Variants in RIF1 observed in about 807,000 individuals in gnomAD.
The protein encoded by RIF1 is telomere-associated protein RIF1.
A neutral mutation model predicts 247.1 loss-of-function variants in RIF1; 45 were observed. That is an observed-to-expected ratio of 0.18 (90% CI 0.14 to 0.23). The LOEUF is 0.23. RIF1 is among the 10% of genes least tolerant of loss of function. The probability of loss-of-function intolerance (pLI) is 1.00; values close to 1 mark genes in which losing one functional copy is unlikely to be tolerated. For synonymous variants in RIF1, 1,087 were observed against 978.8 expected (o/e 1.11, Z -2.06); for missense variants, 2,967 against 2,862.5 (o/e 1.04, Z -0.83).
rs1255770293 is a variant in RIF1, at chr2:151,463,557, C to T, written c.4037C>T (p.Ser1346Phe). 5.6e-6 allele frequency: 9 copies of T among 1,613,912 alleles called. No homozygotes were observed. Among genetic ancestry groups the T allele is most frequent in the Non-Finnish European group, 7.6e-6 (9 of 1,179,982 alleles). Reference protein sequence around the residue: ...ECVSDNQVHLSESTMEHDNTK... With the variant: ...ECVSDNQVHLFESTMEHDNTK... ...GTGTCAGATAATCAGGTTCATCTTT[C>T]TGAATCTACAATGGAGCATGACAAT... The change falls in exon 30 of 36, where the codon TCT becomes TTT. Residue 1346 changes from serine (S) to phenylalanine (F), a missense_variant. Coordinates refer to ENST00000444746, the MANE Select transcript of RIF1 (RefSeq NM_018151.5).
the RIF1 span, chr2:151,525,299 T>C: frequency 6.7e-7 from 1 of 1,499,816 alleles, no homozygotes; most frequent in African/African-American, 1.4e-5. Context: ...ATTACTTTTA[T>C]GAGTAGAGGA....
chr2:151,459,830 G>A (rs75645585), intron 25 of RIF1, among the ~76,000 whole-genome samples, 170 bp from the exon 26 acceptor site: 4,974 of 152,278 alleles, frequency 0.033, 171 homozygotes, highest in East Asian at 0.19. Context: ...GCCATTTGCT[G>A]TTGAATTAGA....
intron 11 of RIF1, among the ~76,000 whole-genome samples, chr2:151,501,096 G>A (rs935729009): frequency 1.3e-5 from 2 of 152,072 alleles, no homozygotes; most frequent in Non-Finnish European, 1.5e-5. Context: ...AAGTAAATAA[G>A]AGCTTTAGTG....
intron 9 of RIF1, chr2:151,490,168 C>A: frequency 8.2e-7 from 1 of 1,215,332 alleles, no homozygotes; most frequent in Non-Finnish European, 1.2e-6. Flanking sequence ...TCTTTTTCCC[C>A]CAACTTAGAA....
intron 14 of RIF1, among the ~76,000 whole-genome samples, 167 bp downstream of exon 14, chr2:151,438,913 C>G (rs968283777): frequency 1.3e-5 from 2 of 152,208 alleles, no homozygotes; most frequent in African/African-American, 2.4e-5. Context: ...TTGAAGAACA[C>G]TGGGGTTAGG....
intron 11 of RIF1, chr2:151,502,717 A>T: frequency 1.2e-6 from 1 of 806,384 alleles, no homozygotes; most frequent in Non-Finnish European, 2.0e-6. Flanking sequence ...TGAATTTAGT[A>T]ATTTTACATT....
At position 151,463,235 on chromosome 2, in the gene RIF1, C is replaced by T. The variant is rs568925580; in HGVS notation, c.3715C>T (p.Pro1239Ser). 6.2e-7 allele frequency: 1 copy of T among 1,613,734 alleles called. No homozygotes were observed. Among genetic ancestry groups the T allele is most frequent in the African/African-American group, 1.3e-5 (1 of 74,990 alleles). ...AGAAAATAGACCTTTTAGTCCATCCCCCTTGAATAATATTTCATCAACTGT... is the reference window on the plus strand; with the variant it reads ...AGAAAATAGACCTTTTAGTCCATCCTCCTTGAATAATATTTCATCAACTGT... Reference protein sequence around the residue: ...GSENRPFSPSPLNNISSTVTV... With the variant: ...GSENRPFSPSSLNNISSTVTV... The change falls in exon 30 of 36, where the codon CCC (proline) becomes TCC (serine). Residue 1239 changes from proline to serine, a missense_variant. Transcript: ENST00000444746.
chr2:151,460,526 TCTTATCAAC>T (rs146781534), intron 26 of RIF1, among the ~76,000 whole-genome samples: 3 of 15,972 alleles, frequency 1.9e-4, no homozygotes, highest in African/African-American at 4.2e-4. Flanking sequence ...ACACCTATGT[TCTTATCAAC>T]TAGCTCATGC....
chr2:151,502,676 G>A lies in RIF1; in HGVS notation c.*710-358G>A, dbSNP rs932885315. ...AAATTAGATTTGGGTTGAAAACTGA[G>A]GTAATATTTGGTATCATTATTTTCA... is the stretch of plus-strand genomic sequence containing the variant. On this transcript the variant is annotated intron_variant and NMD_transcript_variant, in intron 11 of 13. Coordinates refer to the RIF1 transcript ENST00000454583. The A allele has an allele frequency of 7.3e-6, 5 of 680,880 alleles. No homozygotes were observed. In the Admixed American group the frequency reaches 7.5e-5, roughly 10 times the overall value. The allele number at this position is 680,880 out of a possible 1,614,324, so 42.2% of individuals were successfully genotyped here.
At chr2:151,492,103 A>G in intron 9 of RIF1, 1 of 1,613,868 alleles carries the variant, frequency 6.2e-7, no homozygotes, top group Non-Finnish European at 8.5e-7. Context: ...GTTACCTGTA[A>G]TAGTCTCCTG....
chr2:151,433,483 C>G (rs1228726481), intron 10 of RIF1, among the ~76,000 whole-genome samples: 1 of 152,052 alleles, frequency 6.6e-6, no homozygotes, highest in Non-Finnish European at 1.5e-5. Flanking sequence ...GAGATGGAGT[C>G]TTGTTCTGTT....
intron 30 of RIF1, among the ~76,000 whole-genome samples, chr2:151,467,769 A>G (rs917189292): frequency 6.6e-6 from 1 of 152,096 alleles, no homozygotes; most frequent in Non-Finnish European, 1.5e-5. Flanking sequence ...CTTTTTCACA[A>G]TCTTTGGTAT....
In RIF1 at chr2:151,474,018, G is replaced by A; in HGVS notation, c.7150G>A (p.Val2384Ile). 1.9e-6 allele frequency: 3 copies of A among 1,596,126 alleles called. No homozygotes were observed. Among genetic ancestry groups the A allele is most frequent in the Non-Finnish European group, 2.6e-6 (3 of 1,165,142 alleles). Residue 2384 changes from valine to isoleucine, a missense_variant, in exon 35 of 36, where the codon GTA becomes ATA. Val to Ile is a conservative substitution (Grantham distance 29). This residue lies in a region of RIF1 where 151 missense variants were observed against 163.4 expected (regional missense o/e 0.92). Transcript: ENST00000444746. ...AGTTTTTGATATTTCTGAAAAAACA[G>A]TAAATGGAATAGAAAATAAATCTTT... ...IPVFDISEKT[V>I]NGIENKSLSP... is the part of the protein sequence containing the mutation.
rs76534422 is a variant in RIF1 at position 151,441,433 on chromosome 2, A to G, written c.1648-472A>G. On this transcript the variant is annotated intron_variant, in intron 15 of 35. Coordinates refer to ENST00000444746, the MANE Select transcript of RIF1 (RefSeq NM_018151.5). ...TAATAGAAAAATGGTTGAATAAATA[A>G]TGGACATTCATATAGCAGTATTTTT... 3.1e-3 allele frequency among the ~76,000 whole-genome samples: 474 copies of G among 152,376 alleles called. 17 individuals carry two copies. The East Asian group carries it at 0.084, about 27-fold the overall frequency.
Position 151,501,499 on chromosome 2 carries a change from CAACA to C in RIF1, c.*710-1528_*710-1525del, listed in dbSNP as rs1205054716. The C allele has an allele frequency of 4.2e-6, 6 of 1,422,494 alleles. No homozygotes were observed. In the Admixed American group the frequency reaches 1.5e-4, roughly 35 times the overall value. 88.1% of individuals were successfully genotyped at this position (1,422,494 alleles called of 1,614,324 possible). A position where few individuals can be genotyped will look rare whatever the true frequency, so the allele number is the denominator to read the frequency against. On this transcript the variant is annotated intron_variant and NMD_transcript_variant, in intron 11 of 13. Coordinates refer to the RIF1 transcript ENST00000454583. ...TGTACAATATCTGTGTGCACAAAAC[CAACA>C]AACAAATCAACCTGGACCCATCATT...
chr2:151,453,095 T>C (rs1471568020), intron 21 of RIF1, among the ~76,000 whole-genome samples: 1 of 152,234 alleles, frequency 6.6e-6, no homozygotes, highest in Admixed American at 6.5e-5. Flanking sequence ...CAAGAGTTTA[T>C]GTGGAAACTT....
intron 33 of RIF1, among the ~76,000 whole-genome samples, chr2:151,469,509 G>A (rs1697467054): frequency 6.6e-6 from 1 of 152,124 alleles, no homozygotes; most frequent in African/African-American, 2.4e-5. Flanking sequence ...GGCTCATTCA[G>A]TTGCCAGTAC....
Position 151,464,083 on chromosome 2 carries a change from T to C in RIF1, c.4563T>C (p.Ile1521=), listed in dbSNP as rs142857822. The change falls in exon 30 of 36, where the codon ATT becomes ATC. Residue 1521 remains isoleucine (I), a synonymous_variant. Transcript: ENST00000444746. ...CTGAGGGGGATGGTACCCAGGACAT[T>C]GTAGATAAGTCCTCTGAGAAACTAG... The part of the protein sequence containing the change: ...IKSEGDGTQD[I]VDKSSEKLVR... 9.9e-4 allele frequency: 1,593 copies of C among 1,612,784 alleles called. 2 individuals carry two copies. The highest frequency in any genetic ancestry group is 1.2e-3 in the Non-Finnish European group (1,455 of 1,179,654).
At chr2:151,441,882 G>A (rs1692354295) in intron 15 of RIF1, 23 bp from the exon 16 acceptor site, 3 of 1,188,190 alleles carry the variant, frequency 2.5e-6, no homozygotes, top group Non-Finnish European at 3.7e-6. Flanking sequence ...CTAATTTACT[G>A]TAAAACCTTT....
Sources: allele counts gnomAD v4.1 joint callset (sites outside exome capture counted in the v4.1 genomes callset), GRCh38; gene constraint gnomAD v4.1.1; regional missense constraint gnomAD v4.1.1; transcripts MANE v1.5; gene names NCBI Gene and HGNC (gene_info 2026-07-23, HGNC 2026-07-21).